The following EXOC3L4 variants were observed in gnomAD, a reference collection of about 807,000 sequenced individuals.
EXOC3L4 encodes exocyst complex component 3 like 4.
A neutral mutation model predicts 69.7 loss-of-function variants in EXOC3L4; 62 were observed. That is an observed-to-expected ratio of 0.89 (90% CI 0.72 to 1.10). EXOC3L4 has a LOEUF of 1.10. Among genes scored for constraint, EXOC3L4 ranks in the 50% least tolerant of loss-of-function variants. The pLI is 0.00. For missense variants in EXOC3L4, 1,087 were observed against 1,034.8 expected (o/e 1.05, Z -0.69); for synonymous variants, 502 against 464.2 (o/e 1.08, Z -1.05).
In EXOC3L4 at chr14:103,108,401, C is replaced by T. The variant is rs368664108; in HGVS notation, c.1860C>T (p.Ser620=). 9.9e-6 allele frequency: 16 copies of T among 1,613,282 alleles called. No individual in the cohort carries two copies. Among genetic ancestry groups the T allele is most frequent in the Admixed American group, 3.3e-5 (2 of 59,958 alleles). The part of the protein sequence containing the change: ...AISDTFQGLG[S]EATWLDQAIQ... ...GCGGTGGCTCTGTCTCGCAGGGTTC[C>T]GAGGCCACATGGTTGGACCAAGCCA... The change falls in exon 11 of 12, where the codon TCC becomes TCT. Residue 620 remains serine, a synonymous_variant. Coordinates refer to ENST00000688303, the MANE Select transcript of EXOC3L4 (RefSeq NM_001077594.2).
intron 10 of EXOC3L4, among the ~76,000 whole-genome samples, chr14:103,108,114 G>A (rs1294542969): frequency 1.3e-5 from 2 of 152,112 alleles, no homozygotes; most frequent in Admixed American, 6.5e-5. Flanking sequence ...CACACCCCTC[G>A]TCTGCCCCCT....
At chr14:103,100,647 G>A in intron 2 of EXOC3L4, 34 bp downstream of exon 2, 1 of 1,571,818 alleles carries the variant, frequency 6.4e-7, no homozygotes, top group Non-Finnish European at 8.7e-7. Flanking sequence ...AAGCATGAAA[G>A]GAAACGGGCC....
At position 103,109,029 on chromosome 14, in the gene EXOC3L4, A is replaced by G. The variant is rs574434764; in HGVS notation, c.1976+512A>G. ...GGGTGGGGAAGGATTCCCCATCCCCAGCAGGCCTGTCTTCCAGGCTGTGGC... is the reference window on the plus strand; with the variant it reads ...GGGTGGGGAAGGATTCCCCATCCCCGGCAGGCCTGTCTTCCAGGCTGTGGC... On this transcript the variant is annotated intron_variant, in intron 11 of 11. Coordinates refer to ENST00000688303, the MANE Select transcript of EXOC3L4 (RefSeq NM_001077594.2). Among the ~76,000 whole-genome samples the G allele has an allele frequency of 4.0e-5, 6 of 151,148 alleles. 1 individual carries two copies. The highest frequency in any genetic ancestry group is 1.5e-4 in the African/African-American group (6 of 41,086).
intron 1 of EXOC3L4, among the ~76,000 whole-genome samples, chr14:103,096,296 G>A (rs1889880663): frequency 6.6e-6 from 1 of 152,084 alleles, no homozygotes; most frequent in African/African-American, 2.4e-5. Context: ...TGAGGCTGTG[G>A]TGAGCTATGA....
At chr14:103,094,385 C>A (rs949865307), upstream of EXOC3L4, among the ~76,000 whole-genome samples, 8 of 152,294 alleles carry the variant, frequency 5.3e-5, no homozygotes, top group Non-Finnish European at 1.0e-4. Flanking sequence ...TGGGCTCCGG[C>A]ACTGTGGGCT....
At chr14:103,102,855 C>A in intron 3 of EXOC3L4, 83 bp downstream of exon 3, 1 of 1,239,894 alleles carries the variant, frequency 8.1e-7, no homozygotes, top group Non-Finnish European at 1.0e-6. Flanking sequence ...TGAGGAGCAC[C>A]GGACCTTTCT....
intron 3 of EXOC3L4, 142 bp from the exon 4 acceptor site, chr14:103,103,793 CGCGCGT>C (rs985854475): frequency 3.1e-5 from 14 of 454,126 alleles, no homozygotes; most frequent in African/African-American, 1.7e-4. Flanking sequence ...TAGAGGCGCG[CGCGCGT>C]GTGTGTGTGT....
rs965797769 is a variant in EXOC3L4 at position 103,104,269 on chromosome 14, C to T, written c.1164C>T (p.Ala388=). The T allele has an allele frequency of 6.3e-7, 1 of 1,588,066 alleles. No homozygotes were observed. Among genetic ancestry groups the T allele is most frequent in the Non-Finnish European group, 8.6e-7 (1 of 1,169,152 alleles). ...LESDYTSFLE[A]KIASCFDSIL... ...CGGCCCATCCCTTCTCCCCCCAGGC[C>T]AAGATCGCAAGCTGCTTCGACAGCA... The change falls in exon 5 of 12, where the codon GCC becomes GCT. Residue 388 remains alanine, a splice_region_variant and synonymous_variant. Transcript: ENST00000688303.
chr14:103,104,598 A>G (rs9324058), intron 5 of EXOC3L4, 140 bp from the exon 6 acceptor site: 547,603 of 1,219,934 alleles, frequency 0.45, 125,327 homozygotes, highest in East Asian at 0.65. Flanking sequence ...TTGACTCTCC[A>G]GTTGGGCGGC....
rs1434118475 is a variant in EXOC3L4 at position 103,103,789 on chromosome 14, C to CGT, written c.1050-151_1050-150insTG. 6.5e-6 allele frequency: 3 copies of CGT among 461,086 alleles called. No homozygotes were observed. The African/African-American group carries it at 7.4e-5, about 11-fold the overall frequency. The allele number at this position is 461,086 out of a possible 1,614,324, so 28.6% of individuals were successfully genotyped here. On this transcript the variant is annotated intron_variant, in intron 3 of 11. Coordinates refer to ENST00000688303, the MANE Select transcript of EXOC3L4 (RefSeq NM_001077594.2). Reference sequence around the variant, plus strand: ...GGGGTGTGGCATGGCAGCCTAGAGGCGCGCGCGCGTGTGTGTGTGTGTGTG... The same window carrying CGT: ...GGGGTGTGGCATGGCAGCCTAGAGGCGTGCGCGCGCGTGTGTGTGTGTGTGTG...
chr14:103,108,325 C>T (rs1340076749), intron 10 of EXOC3L4, 71 bp from the exon 11 acceptor site: 23 of 1,579,970 alleles, frequency 1.5e-5, no homozygotes, highest in African/African-American at 2.7e-5. Context: ...GCACTGACCT[C>T]GCGCTCTTGC....
Position 103,104,062 on chromosome 14 carries a change from G to T in EXOC3L4, c.1161+10G>T. On this transcript the variant is annotated intron_variant, in intron 4 of 11. Transcript: ENST00000688303. ...CACCAGCTTCCTGGAGGTCAGGCCGGGCGGGTCAGGCTGGGCGGGCCAGGC... is the reference window on the plus strand; with the variant it reads ...CACCAGCTTCCTGGAGGTCAGGCCGTGCGGGTCAGGCTGGGCGGGCCAGGC... 6.5e-7 allele frequency: 1 copy of T among 1,547,622 alleles called. No homozygotes were observed. The highest frequency in any genetic ancestry group is 2.4e-5 in the East Asian group (1 of 41,298).
rs761650841 is a variant in EXOC3L4 at position 103,104,072 on chromosome 14, G to T, written c.1161+20G>T. 4 of 1,533,904 alleles carry T rather than the reference G, an allele frequency of 2.6e-6. No homozygotes were observed. Among genetic ancestry groups the T allele is most frequent in the African/African-American group, 2.8e-5 (2 of 71,590 alleles). On this transcript the variant is annotated intron_variant, in intron 4 of 11. Coordinates refer to ENST00000688303, the MANE Select transcript of EXOC3L4 (RefSeq NM_001077594.2). ...CTGGAGGTCAGGCCGGGCGGGTCAG[G>T]CTGGGCGGGCCAGGCTGGAGGGGGC...
In EXOC3L4 at chr14:103,102,059, C is replaced by T. The variant is rs527782336; in HGVS notation, c.395-59C>T. 7.9e-6 allele frequency: 12 copies of T among 1,510,476 alleles called. No homozygotes were observed. The Admixed American group carries it at 1.6e-4, about 20-fold the overall frequency. The allele number at this position is 1,510,476 out of a possible 1,614,324, so 93.6% of individuals were successfully genotyped here. On this transcript the variant is annotated intron_variant, in intron 2 of 11. Transcript: ENST00000688303. The stretch of plus-strand genomic sequence containing the variant: ...GATTGAGCCGTGGCCTGCAGGTCTT[C>T]GTCCAGGTTCGGGTCTTGGGGCGGT...
Position 103,102,524 on chromosome 14 carries a change from G to A in EXOC3L4, c.801G>A (p.Gly267=). The change falls in exon 3 of 12, where the codon GGG becomes GGA. Residue 267 remains glycine (G), a synonymous_variant. Coordinates refer to ENST00000688303, the MANE Select transcript of EXOC3L4 (RefSeq NM_001077594.2). ...GGCCGGGCGCGGGGTGGGCCTTCGGGGAGGCGGAGGGCGCGTCGGGTTTGG... is the reference window on the plus strand; with the variant it reads ...GGCCGGGCGCGGGGTGGGCCTTCGGAGAGGCGGAGGGCGCGTCGGGTTTGG... The part of the protein sequence containing the change: ...VRRPGAGWAF[G]EAEGASGLAQ... The A allele has an allele frequency of 1.4e-6, 2 of 1,397,372 alleles. No individual in the cohort carries two copies. Among genetic ancestry groups the A allele is most frequent in the South Asian group, 1.6e-5 (1 of 63,708 alleles). The allele number at this position is 1,397,372 out of a possible 1,614,324, so 86.6% of individuals were successfully genotyped here.
In EXOC3L4 at chr14:103,110,333, C is replaced by T; in HGVS notation, c.*110C>T. 2 of 1,292,672 alleles carry T rather than the reference C, an allele frequency of 1.5e-6. No homozygotes were observed. Among genetic ancestry groups the T allele is most frequent in the Non-Finnish European group, 2.2e-6 (2 of 927,138 alleles). The allele number at this position is 1,292,672 out of a possible 1,614,324, so 80.1% of individuals were successfully genotyped here. On this transcript the variant is annotated 3_prime_UTR_variant, in exon 12 of 12. Coordinates refer to ENST00000688303, the MANE Select transcript of EXOC3L4 (RefSeq NM_001077594.2). ...GGCCCTGCCCCCAACTCTGACACTG[C>T]AGTTAGGGAATTTTTGTCGTCAGCA...
Position 103,104,753 on chromosome 14 carries a change from G to T in EXOC3L4, c.1300G>T (p.Val434Leu). ...MDVHMLVAEH[V>L]KAAGAISAEL... ...TCGCTCGCAGCTCGTGGCCGAGCACGTGAAGGCGGCCGGCGCCATCTCCGC... is the reference window on the plus strand; with the variant it reads ...TCGCTCGCAGCTCGTGGCCGAGCACTTGAAGGCGGCCGGCGCCATCTCCGC... Residue 434 changes from valine (V) to leucine (L), a missense_variant, in exon 6 of 12, where the codon GTG becomes TTG. Physicochemically the swap from Val to Leu is conservative, Grantham distance 32. Coordinates refer to ENST00000688303, the MANE Select transcript of EXOC3L4 (RefSeq NM_001077594.2). 3 of 1,516,878 alleles carry T rather than the reference G, an allele frequency of 2.0e-6. No individual in the cohort carries two copies. The allele number at this position is 1,516,878 out of a possible 1,614,324, so 94.0% of individuals were successfully genotyped here. A position where few individuals can be genotyped will look rare whatever the true frequency, so the allele number is the denominator to read the frequency against.
intron 7 of EXOC3L4, among the ~76,000 whole-genome samples, chr14:103,105,404 G>A (rs1474966699): frequency 6.6e-6 from 1 of 151,524 alleles, no homozygotes; most frequent in Non-Finnish European, 1.5e-5. Context: ...AGGTGTTTAT[G>A]CATGTGCGTG....
rs2274686 is a variant in EXOC3L4, at chr14:103,108,530, C to T, written c.1976+13C>T. 1.2e-3 allele frequency: 1,981 copies of T among 1,610,964 alleles called. 45 individuals carry two copies. The East Asian group carries it at 0.04, about 32-fold the overall frequency. ...ACCCCGACATCAGGTGTGTACCCCA[C>T]CTGCTTCCACTAGCTTCCTACCAGA... On this transcript the variant is annotated intron_variant, in intron 11 of 11. Coordinates refer to ENST00000688303, the MANE Select transcript of EXOC3L4 (RefSeq NM_001077594.2).
Sources: allele counts gnomAD v4.1 joint callset (sites outside exome capture counted in the v4.1 genomes callset), GRCh38; gene constraint gnomAD v4.1.1; transcripts MANE v1.5; gene names NCBI Gene and HGNC (gene_info 2026-07-23, HGNC 2026-07-21).